The following DONSON variants were observed in gnomAD, a reference collection of about 807,000 sequenced individuals.
DONSON encodes the protein DNA replication fork stabilization factor DONSON, also known as protein downstream neighbor of Son.
A neutral mutation model predicts 62.1 loss-of-function variants in DONSON; 43 were observed. The observed-to-expected ratio is 0.69, with a 90% CI of 0.54 to 0.89. The LOEUF (loss-of-function observed/expected upper bound fraction) is 0.89. Ranked by LOEUF, DONSON falls within the 40% of genes least tolerant of loss-of-function variation. The pLI is 0.00. For missense variants in DONSON, 696 were observed against 697.5 expected (o/e 1.00, Z 0.03); for synonymous variants, 266 against 264.6 (o/e 1.01, Z -0.05).
In DONSON at chr21:33,578,051, T is replaced by C. The variant is rs1221060074; in HGVS notation, c.*256A>G. ...GTGATTTCCCATTTGCAAGGAAGCA[T>C]ATTAATTCAGTTTCTGCTCAATATA... is the stretch of plus-strand genomic sequence containing the variant. On this transcript the variant is annotated 3_prime_UTR_variant, in exon 10 of 10. Transcript: ENST00000303071. 3.3e-6 allele frequency: 1 copy of C among 298,544 alleles called. No homozygotes were observed. Among genetic ancestry groups the C allele is most frequent in the East Asian group, 6.1e-5 (1 of 16,410 alleles). 18.5% of individuals were successfully genotyped at this position (298,544 alleles called of 1,614,324 possible). A position where few individuals can be genotyped will look rare whatever the true frequency, so the allele number is the denominator to read the frequency against.
chr21:33,579,840 T>G (rs2086485421), intron 8 of DONSON, among the ~76,000 whole-genome samples: 1 of 152,228 alleles, frequency 6.6e-6, no homozygotes, highest in African/African-American at 2.4e-5. Flanking sequence ...ACACTGTCAA[T>G]GCAGACTATT....
chr21:33,586,464 T>A (rs1201117063), intron 2 of DONSON, among the ~76,000 whole-genome samples: 6 of 152,142 alleles, frequency 3.9e-5, no homozygotes, highest in African/African-American at 1.2e-4. Context: ...GTAGTATAGA[T>A]GTTTGTATTG....
intron 5 of DONSON, among the ~76,000 whole-genome samples, chr21:33,583,258 C>T (rs1392770412): frequency 2.8e-5 from 4 of 143,590 alleles, no homozygotes; most frequent in Non-Finnish European, 6.0e-5. Flanking sequence ...AGTTTCATCC[C>T]GAAACCATCC....
intron 4 of DONSON, among the ~76,000 whole-genome samples, chr21:33,584,014 TTATA>T (rs57309977): frequency 0.24 from 28,898 of 121,306 alleles, 3,553 homozygotes; most frequent in East Asian, 0.41. Context: ...GGCTGCGTGT[TTATA>T]TATATATATA....
rs2086444074 is a variant in DONSON at position 33,577,670 on chromosome 21, CACACACACACACACACACACACA to C, written c.*614_*636del. ...ACACACACACACACACACACACACACACACACACACACACACACACACACACACACACCCCTATAAGCACATTA... is the reference window on the plus strand; with the variant it reads ...ACACACACACACACACACACACACACCACACACACCCCTATAAGCACATTA... On this transcript the variant is annotated 3_prime_UTR_variant, in exon 10 of 10. Coordinates refer to ENST00000303071, the MANE Select transcript of DONSON (RefSeq NM_017613.4). 2.9e-5 allele frequency: 3 copies of C among 101,704 alleles called. No homozygotes were observed. The highest frequency in any genetic ancestry group is 1.3e-4 in the African/African-American group (3 of 23,820). 6.3% of individuals were successfully genotyped at this position (101,704 alleles called of 1,614,324 possible). A position where few individuals can be genotyped will look rare whatever the true frequency, so the allele number is the denominator to read the frequency against.
chr21:33,585,609 T>C (rs539567061), intron 3 of DONSON, among the ~76,000 whole-genome samples: 29 of 152,248 alleles, frequency 1.9e-4, no homozygotes, highest in African/African-American at 4.8e-4. Flanking sequence ...AAATTTTTCT[T>C]ATACAGGTAA....
At chr21:33,587,370 T>C (rs1335026674) in intron 2 of DONSON, 152 bp downstream of exon 2, 1 of 1,372,738 alleles carries the variant, frequency 7.3e-7, no homozygotes, top group Non-Finnish European at 9.4e-7. Context: ...GGTATTTTCA[T>C]CCCTGGTTGA....
intron 8 of DONSON, among the ~76,000 whole-genome samples, chr21:33,579,991 T>TC (rs1435220521): frequency 6.6e-6 from 1 of 151,640 alleles, no homozygotes; most frequent in East Asian, 1.9e-4. Flanking sequence ...GGTCAGGAGT[T>TC]CAAGACCAGC....
chr21:33,584,442 A>G, intron 4 of DONSON, 148 bp downstream of exon 4: 1 of 700,030 alleles, frequency 1.4e-6, no homozygotes, highest in Non-Finnish European at 2.2e-6. Context: ...TAAACAGTTT[A>G]TATGTTGGTT....
chr21:33,586,551 C>T (rs952440615), intron 2 of DONSON, among the ~76,000 whole-genome samples: 2 of 152,280 alleles, frequency 1.3e-5, no homozygotes, highest in Admixed American at 6.5e-5. Flanking sequence ...GCTAACAAAG[C>T]CCATATTTAA....
At chr21:33,587,339 C>A in intron 2 of DONSON, 183 bp downstream of exon 2, 1 of 985,142 alleles carries the variant, frequency 1.0e-6, no homozygotes, top group Non-Finnish European at 1.2e-6. Context: ...ATCAAACCAA[C>A]TCCTTTACCT....
Position 33,582,000 on chromosome 21 carries a change from T to C in DONSON, c.1102A>G (p.Met368Val). The change falls in exon 7 of 10, where the codon ATG becomes GTG. Residue 368 changes from methionine (M) to valine (V), a missense_variant. Transcript: ENST00000303071. Reference protein sequence around the residue: ...EEESFSWLEEMGVQDKIKKPD... With the variant: ...EEESFSWLEEVGVQDKIKKPD... ...TTTTTAATTTTATCTTGCACACCCA[T>C]CTCTTCCAGCCAGGAAAAACTTTCC... is the stretch of plus-strand genomic sequence containing the variant. 1 of 1,614,158 alleles carries C rather than the reference T, an allele frequency of 6.2e-7. No individual in the cohort carries two copies. Among genetic ancestry groups the C allele is most frequent in the Non-Finnish European group, 8.5e-7 (1 of 1,180,012 alleles).
Position 33,577,851 on chromosome 21 carries a change from A to AT in DONSON, c.*455dup, listed in dbSNP as rs2086453036. 1 of 152,772 alleles carries AT rather than the reference A, an allele frequency of 6.5e-6. No homozygotes were observed. The highest frequency in any genetic ancestry group is 2.4e-5 in the African/African-American group (1 of 41,480). The allele number at this position is 152,772 out of a possible 1,614,324, so 9.5% of individuals were successfully genotyped here. On this transcript the variant is annotated 3_prime_UTR_variant, in exon 10 of 10. Coordinates refer to ENST00000303071, the MANE Select transcript of DONSON (RefSeq NM_017613.4). ...TAGTATATGTGAAAATAAAGGAATTATAAATCAGTAGGAAAGATATTAAGG... is the reference window on the plus strand; with the variant it reads ...TAGTATATGTGAAAATAAAGGAATTATTAAATCAGTAGGAAAGATATTAAGG...
chr21:33,578,314 C>T lies in DONSON; in HGVS notation c.1694G>A (p.Arg565Lys), dbSNP rs1189478135. ...TTAGGCTTACTTTGGTGTTCAGGAT[C>T]TCCAATTATAAATGTAGTCTCTCAG... The part of the protein sequence containing the change: ...VVLRDYIYNW[R>K]S Residue 565 changes from arginine (R) to lysine (K), a missense_variant, in exon 10 of 10, where the codon AGA becomes AAA. Transcript: ENST00000303071. The T allele has an allele frequency of 1.9e-6, 3 of 1,612,980 alleles. No homozygotes were observed. In the South Asian group the frequency reaches 3.3e-5, roughly 18 times the overall value.
In DONSON at chr21:33,582,021, T is replaced by C. The variant is rs2086517179; in HGVS notation, c.1081A>G (p.Ser361Gly). ...QAISDEDEEESFSWLEEMGVQ... is the reference protein window; with the variant it reads ...QAISDEDEEEGFSWLEEMGVQ... Reference sequence around the variant, plus strand: ...CCCATCTCTTCCAGCCAGGAAAAACTTTCCTCTTCATCCTCATCACTGATG... The same window carrying C: ...CCCATCTCTTCCAGCCAGGAAAAACCTTCCTCTTCATCCTCATCACTGATG... The change falls in exon 7 of 10, where the codon AGT (serine) becomes GGT (glycine). Residue 361 changes from serine to glycine, a missense_variant. Physicochemically the swap from Ser to Gly is moderately conservative, Grantham distance 56. Coordinates refer to ENST00000303071, the MANE Select transcript of DONSON (RefSeq NM_017613.4). The C allele has an allele frequency of 1.2e-6, 2 of 1,614,152 alleles. No individual in the cohort carries two copies. The highest frequency in any genetic ancestry group is 1.7e-6 in the Non-Finnish European group (2 of 1,180,008).
At chr21:33,584,914 CAT>C (rs1224341929) in intron 3 of DONSON, 146 bp from the exon 4 acceptor site, 1 of 641,536 alleles carries the variant, frequency 1.6e-6, no homozygotes, top group Non-Finnish European at 2.3e-6. Flanking sequence ...GGAACGAAAA[CAT>C]AGTTTATCCT....
In DONSON at chr21:33,577,971, G is replaced by A. The variant is rs2086455242; in HGVS notation, c.*336C>T. ...AACCTGCTAACAGGTAAATCGTAAA[G>A]TAACATATTTTTGCCCTGATGCCAT... On this transcript the variant is annotated 3_prime_UTR_variant, in exon 10 of 10. Transcript: ENST00000303071. The A allele has an allele frequency of 5.7e-6, 1 of 174,060 alleles. No homozygotes were observed. Among genetic ancestry groups the A allele is most frequent in the Non-Finnish European group, 1.2e-5 (1 of 82,922 alleles). The allele number at this position is 174,060 out of a possible 1,614,324, so 10.8% of individuals were successfully genotyped here.
intron 9 of DONSON, 113 bp from the exon 10 acceptor site, chr21:33,578,557 C>T (rs903727868): frequency 8.7e-6 from 10 of 1,153,070 alleles, no homozygotes; most frequent in East Asian, 2.7e-5. Context: ...GTGATTCATC[C>T]TATTAATAGA....
chr21:33,578,844 A>C (rs998555027), intron 9 of DONSON, among the ~76,000 whole-genome samples: 3 of 152,184 alleles, frequency 2.0e-5, no homozygotes, highest in Admixed American at 6.5e-5. Context: ...TGTTAAAACT[A>C]TTTGGACTGA....
Sources: gnomAD v4.1 joint callset for allele counts (sites outside exome capture counted in the v4.1 genomes callset) on GRCh38, gnomAD v4.1.1 for gene constraint, MANE v1.5 for transcripts, NCBI Gene and HGNC (gene_info 2026-07-23, HGNC 2026-07-21) for gene names.